The following EVPL variants were observed in gnomAD, a reference collection of about 807,000 sequenced individuals.
The protein encoded by EVPL is 210 kDa cornified envelope precursor protein.
A neutral mutation model predicts 129.7 loss-of-function variants in EVPL; 94 were observed. That is an observed-to-expected ratio of 0.72 (90% CI 0.61 to 0.86). The LOEUF (loss-of-function observed/expected upper bound fraction) is 0.86. Among genes scored for constraint, EVPL ranks in the 40% least tolerant of loss-of-function variants. EVPL has a pLI of 0.00. For missense variants in EVPL, 2,625 were observed against 2,721.1 expected (o/e 0.96, Z 0.79); for synonymous variants, 1,172 against 1,191.1 (o/e 0.98, Z 0.33).
chr17:76,010,653 C>T (rs1382714833), intron 21 of EVPL, 110 bp from the exon 22 acceptor site: 3 of 1,217,286 alleles, frequency 2.5e-6, no homozygotes, highest in African/African-American at 1.5e-5. Flanking sequence ...CCCAGTGGGT[C>T]CTCAGAGGTG....
chr17:76,014,632 C>T, intron 17 of EVPL, 56 bp from the exon 18 acceptor site: 2 of 1,581,730 alleles, frequency 1.3e-6, no homozygotes. Flanking sequence ...GGGACAGGGG[C>T]AGGTGCACAG....
intron 3 of EVPL, 37 bp downstream of exon 3, chr17:76,023,463 C>T (rs776993456): frequency 2.4e-5 from 39 of 1,611,482 alleles, no homozygotes; most frequent in Admixed American, 2.0e-4. Context: ...CCTGGGTCTT[C>T]CCCAGGGACC....
At position 76,007,127 on chromosome 17, in the gene EVPL, G is replaced by C; in HGVS notation, c.6078C>G (p.Pro2026=). The C allele has an allele frequency of 6.7e-7, 1 of 1,487,824 alleles. No individual in the cohort carries two copies. The highest frequency in any genetic ancestry group is 1.4e-5 in the South Asian group (1 of 70,730). The allele number at this position is 1,487,824 out of a possible 1,614,324, so 92.2% of individuals were successfully genotyped here. A position where few individuals can be genotyped will look rare whatever the true frequency, so the allele number is the denominator to read the frequency against. The change falls in exon 22 of 22, where the codon CCC becomes CCG. Residue 2026 remains proline, a synonymous_variant. Transcript: ENST00000301607. This position sits in a 1 kb window ranked among gnomAD's most constrained non-coding sequence, Gnocchi z 8.8. ...GTCAGCGAAGGGAGCGCGGGACGGT[G>C]GGGGAGGCGGAGCGGTAGCAGCGGT... ...EGYRCYRSAS[P]TVPRSLR
chr17:76,010,132 C>T lies in EVPL; in HGVS notation c.3073G>A (p.Asp1025Asn), dbSNP rs776678846. 6.2e-7 allele frequency: 1 copy of T among 1,614,070 alleles called. No individual in the cohort carries two copies. Among genetic ancestry groups the T allele is most frequent in the Non-Finnish European group, 8.5e-7 (1 of 1,180,034 alleles). Residue 1025 changes from aspartate to asparagine, a missense_variant, in exon 22 of 22, where the codon GAC (aspartate) becomes AAC (asparagine). Transcript: ENST00000301607. ...GCCGCCTGGCTGTCCAGGCCGGGGT[C>T]CCTCTCCACCTGGGTGACCTCCTTG... is the stretch of plus-strand genomic sequence containing the variant. Reference protein sequence around the residue: ...LTKEVTQVERDPGLDSQAAQL... With the variant: ...LTKEVTQVERNPGLDSQAAQL...
Position 76,015,259 on chromosome 17 carries a change from C to A in EVPL, c.1996G>T (p.Gly666Trp). ...TCGCTGACCCTCTCCTGCAGAGCCC[C>A]CGGTTCAGCAGGGATGGGGGCCTCC... ...VQEAPIPAEP[G>W]ALQERVSELQ... Residue 666 changes from glycine (G) to tryptophan (W), a missense_variant, in exon 16 of 22, where the codon GGG (glycine) becomes TGG (tryptophan). Coordinates refer to ENST00000301607, the MANE Select transcript of EVPL (RefSeq NM_001988.4). The A allele has an allele frequency of 6.2e-7, 1 of 1,602,178 alleles. No individual in the cohort carries two copies. Among genetic ancestry groups the A allele is most frequent in the South Asian group, 1.1e-5 (1 of 90,546 alleles).
rs779911374 is a variant in EVPL at position 76,009,680 on chromosome 17, G to T, written c.3525C>A (p.Asp1175Glu). Residue 1175 changes from aspartate to glutamate, a missense_variant, in exon 22 of 22, where the codon GAC becomes GAA. By Grantham distance (45) the Asp-to-Glu change is conservative (BLOSUM62 2). This residue lies in a region of EVPL where 1,453 missense variants were observed against 1,511.8 expected (regional missense o/e 0.96). Transcript: ENST00000301607. This position sits in a 1 kb window ranked among gnomAD's most constrained non-coding sequence, Gnocchi z 5.9. ...KNATLARELS[D>E]LHSKYSVVEK... ...CCACCACGCTGTACTTGCTGTGCAG[G>T]TCGCTCAGCTCCCTGGCCAGCGTCG... 1.2e-6 allele frequency: 2 copies of T among 1,613,494 alleles called. No homozygotes were observed. The highest frequency in any genetic ancestry group is 1.7e-6 in the Non-Finnish European group (2 of 1,180,004).
intron 9 of EVPL, among the ~76,000 whole-genome samples, chr17:76,020,838 T>C (rs1042803268): frequency 6.6e-6 from 1 of 152,122 alleles, no homozygotes; most frequent in Admixed American, 6.5e-5. Context: ...ATTACAGATG[T>C]GAGCCACCAC....
Position 76,009,905 on chromosome 17 carries a change from C to T in EVPL, c.3300G>A (p.Glu1100=), listed in dbSNP as rs2066362047. The T allele has an allele frequency of 6.2e-7, 1 of 1,614,076 alleles. No homozygotes were observed. Among genetic ancestry groups the T allele is most frequent in the African/African-American group, 1.3e-5 (1 of 74,948 alleles). ...KAAQALRLQM[E]EDAARRKQAE... ...CCTGCTTCCTCCGCGCAGCATCCTC[C>T]TCCATCTGCAGCCTCAGAGCCTGGG... The change falls in exon 22 of 22, where the codon GAG becomes GAA. Residue 1100 remains glutamate, a synonymous_variant. Transcript: ENST00000301607. This position sits in a 1 kb window ranked among gnomAD's most constrained non-coding sequence, Gnocchi z 5.9.
intron 7 of EVPL, 28 bp downstream of exon 7, chr17:76,021,839 C>CA: frequency 6.4e-7 from 1 of 1,565,098 alleles, no homozygotes; most frequent in Non-Finnish European, 8.6e-7. Flanking sequence ...TGGCCGCCCC[C>CA]ACCTGGCCCC....
intron 4 of EVPL, 68 bp downstream of exon 4, chr17:76,023,223 AG>A: frequency 4.4e-6 from 7 of 1,595,534 alleles, no homozygotes; most frequent in Non-Finnish European, 4.3e-6. Flanking sequence ...GCCTGCAGTC[AG>A]GCCCTGGATT....
Position 76,022,545 on chromosome 17 carries a change from G to C in EVPL, c.481-7C>G. The C allele has an allele frequency of 1.3e-6, 2 of 1,598,398 alleles. No homozygotes were observed. The highest frequency in any genetic ancestry group is 1.7e-6 in the Non-Finnish European group (2 of 1,173,578). On this transcript the variant is annotated splice_polypyrimidine_tract_variant and splice_region_variant and intron_variant, in intron 4 of 21. Coordinates refer to ENST00000301607, the MANE Select transcript of EVPL (RefSeq NM_001988.4). The surrounding 1 kb of genome is among the most constrained non-coding windows in gnomAD (Gnocchi z 5.6). ...GGCCTGCGCAGACCTGCTTCTGCAG[G>C]AGAGCCGGCGGCTCAGTCCCCAAAG...
At position 76,023,349 on chromosome 17, in the gene EVPL, C is replaced by A. The variant is rs2066476146; in HGVS notation, c.423G>T (p.Val141=). Residue 141 remains valine (V), a synonymous_variant, in exon 4 of 22, where the codon GTG becomes GTT. Transcript: ENST00000301607. ...AEYRALYEKM[V]LPPDVGPRVD... ...CCCTGGGTCCCACGTCGGGGGGCAG[C>A]ACCATCTTCTCGTACAGGGCACGGT... is the stretch of plus-strand genomic sequence containing the variant. 6.2e-7 allele frequency: 1 copy of A among 1,613,844 alleles called. No homozygotes were observed. Among genetic ancestry groups the A allele is most frequent in the African/African-American group, 1.3e-5 (1 of 74,904 alleles).
At chr17:76,015,174 G>A in intron 16 of EVPL, 53 bp downstream of exon 16, 1 of 1,557,226 alleles carries the variant, frequency 6.4e-7, no homozygotes, top group Admixed American at 1.7e-5. Context: ...CCACCCACCC[G>A]CCCCTGAATG....
chr17:76,008,508 C>A lies in EVPL; in HGVS notation c.4697G>T (p.Arg1566Leu). ...EARRLRERID[R>L]AETLGRTWSR... ...CCAGGTTCTCCCCAGCGTCTCGGCCCGGTCAATGCGCTCCCGCAGGCGCCG... is the reference window on the plus strand; with the variant it reads ...CCAGGTTCTCCCCAGCGTCTCGGCCAGGTCAATGCGCTCCCGCAGGCGCCG... Residue 1566 changes from arginine (R) to leucine (L), a missense_variant, in exon 22 of 22, where the codon CGG (arginine) becomes CTG (leucine). By Grantham distance (102) the Arg-to-Leu change is moderately radical (BLOSUM62 -2). This residue lies in a region of EVPL where 1,453 missense variants were observed against 1,511.8 expected (regional missense o/e 0.96). Transcript: ENST00000301607. The surrounding 1 kb of genome is among the most constrained non-coding windows in gnomAD (Gnocchi z 7.4). 2 of 1,604,404 alleles carry A rather than the reference C, an allele frequency of 1.2e-6. No individual in the cohort carries two copies. Among genetic ancestry groups the A allele is most frequent in the Non-Finnish European group, 1.7e-6 (2 of 1,178,924 alleles).
chr17:76,019,057 C>T lies in EVPL; in HGVS notation c.1141G>A (p.Glu381Lys). 8 of 1,575,132 alleles carry T rather than the reference C, an allele frequency of 5.1e-6. No homozygotes were observed. The highest frequency in any genetic ancestry group is 6.8e-6 in the Non-Finnish European group (8 of 1,168,456). ...TCGGTGACGGCCAGCCGTTTTTCCT[C>T]TGCCTGCCGGGGGCCCAGGCAGTGG... ...PTELLQQLEA[E>K]EKRLAVTERA... The change falls in exon 11 of 22, where the codon GAG becomes AAG. Residue 381 changes from glutamate to lysine, a missense_variant. Transcript: ENST00000301607.
In EVPL at chr17:76,008,920, G is replaced by T; in HGVS notation, c.4285C>A (p.Arg1429Ser). 1 of 1,612,988 alleles carries T rather than the reference G, an allele frequency of 6.2e-7. No homozygotes were observed. The highest frequency in any genetic ancestry group is 8.5e-7 in the Non-Finnish European group (1 of 1,179,976). Reference sequence around the variant, plus strand: ...CTCTCCACGGCCAGCTTCTTGCTGCGGTCCTCCTGGAAGCTGAGCAGGCCC... The same window carrying T: ...CTCTCCACGGCCAGCTTCTTGCTGCTGTCCTCCTGGAAGCTGAGCAGGCCC... ...QEGLLSFQED[R>S]SKKLAVEREL... Residue 1429 changes from arginine (R) to serine (S), a missense_variant, in exon 22 of 22, where the codon CGC (arginine) becomes AGC (serine). Around this residue, in one of 4 missense-constraint regions of EVPL, gnomAD observed 1,453 missense variants for 1,511.8 expected, o/e 0.96. Transcript: ENST00000301607. This position sits in a 1 kb window ranked among gnomAD's most constrained non-coding sequence, Gnocchi z 7.4.
Position 76,027,158 on chromosome 17 carries a change from G to A in EVPL, c.41C>T (p.Ser14Phe), listed in dbSNP as rs374712410. ...GLSKGSQGKGSPKGSPAKGSP... is the reference protein window; with the variant it reads ...GLSKGSQGKGFPKGSPAKGSP... ...CCCCTTGGCGGGGGAGCCCTTGGGG[G>A]ACCCCTTCCCCTGGGAGCCTTTGCT... Residue 14 changes from serine (S) to phenylalanine (F), a missense_variant, in exon 1 of 22, where the codon TCC (serine) becomes TTC (phenylalanine). By Grantham distance (155) the Ser-to-Phe change is radical (BLOSUM62 -2). This residue lies in a region of EVPL where 139 missense variants were observed against 186.8 expected (regional missense o/e 0.74). Coordinates refer to ENST00000301607, the MANE Select transcript of EVPL (RefSeq NM_001988.4). 1.3e-6 allele frequency: 2 copies of A among 1,581,214 alleles called. No individual in the cohort carries two copies. The highest frequency in any genetic ancestry group is 1.8e-5 in the Admixed American group (1 of 54,852).
rs756917364 is a variant in EVPL, at chr17:76,008,090, C to T, written c.5115G>A (p.Arg1705=). 1.9e-6 allele frequency: 3 copies of T among 1,614,052 alleles called. No individual in the cohort carries two copies. The African/African-American group carries it at 4.0e-5, about 22-fold the overall frequency. The change falls in exon 22 of 22, where the codon AGG becomes AGA. Residue 1705 remains arginine, a synonymous_variant. Transcript: ENST00000301607. The surrounding 1 kb of genome is among the most constrained non-coding windows in gnomAD (Gnocchi z 7.4). ...AGTACTGGCCCCTGTCGATGATGCC[C>T]CTCTTGTAGGCCTCGTATGGGGACA... ...KDMSPYEAYK[R]GIIDRGQYLQ...
chr17:76,024,356 G>A lies in EVPL; in HGVS notation c.99-236C>T, dbSNP rs2066484778. 6.8e-6 allele frequency among the ~76,000 whole-genome samples: 1 copy of A among 146,872 alleles called. No homozygotes were observed. Among genetic ancestry groups the A allele is most frequent in the Non-Finnish European group, 1.6e-5 (1 of 64,172 alleles). Reference sequence around the variant, plus strand: ...GAGGGTCTCAGGTTTGTGTGGTGCTGGGGAGGGGGCAGGCGGCCTCGGTGT... The same window carrying A: ...GAGGGTCTCAGGTTTGTGTGGTGCTAGGGAGGGGGCAGGCGGCCTCGGTGT... On this transcript the variant is annotated intron_variant, in intron 1 of 21. Transcript: ENST00000301607. The surrounding 1 kb of genome is among the most constrained non-coding windows in gnomAD (Gnocchi z 4.5).
Sources: gnomAD v4.1 joint callset for allele counts (sites outside exome capture counted in the v4.1 genomes callset) on GRCh38, gnomAD v4.1.1 for gene constraint, gnomAD v4.1.1 regional missense constraint, Gnocchi (gnomAD v3.1) non-coding constraint, MANE v1.5 for transcripts, NCBI Gene and HGNC (gene_info 2026-07-23, HGNC 2026-07-21) for gene names.